The following PRKAG2 variants were observed in gnomAD, a reference collection of about 807,000 sequenced individuals.
PRKAG2 encodes protein kinase AMP-activated non-catalytic subunit gamma 2, also known as 5'-AMP-activated protein kinase subunit gamma-2.
A neutral mutation model predicts 69.6 loss-of-function variants in PRKAG2; 26 were observed. The observed-to-expected ratio is 0.37, with a 90% CI of 0.27 to 0.52. PRKAG2 has a LOEUF of 0.52. Among genes scored for constraint, PRKAG2 ranks in the 20% least tolerant of loss-of-function variants. The pLI, the probability that PRKAG2 is intolerant of heterozygous loss-of-function variation, is 0.90. For synonymous variants in PRKAG2, 293 were observed against 285.0 expected (o/e 1.03, Z -0.28); for missense variants, 557 against 740.0 (o/e 0.75, Z 2.87).
intron 3 of PRKAG2, among the ~76,000 whole-genome samples, chr7:151,745,979 G>A (rs540770295): frequency 2.0e-5 from 3 of 152,348 alleles, no homozygotes; most frequent in African/African-American, 4.8e-5. Context: ...GAAGCTGAGC[G>A]CTGGGCTCAA....
In PRKAG2 at chr7:151,874,006, GTATAAGTAT is replaced by G. The variant is rs1266510339; in HGVS notation, c.114+2492_114+2500del. Among the ~76,000 whole-genome samples the G allele has an allele frequency of 4.3e-4, 63 of 146,336 alleles. 2 individuals carry two copies. The highest frequency in any genetic ancestry group is 1.4e-3 in the African/African-American group (55 of 39,010). ...ATATGTATATGTATATGATGTATAT[GTATAAGTAT>G]ATGTATATGATGTATATGTATATGA... On this transcript the variant is annotated intron_variant, in intron 1 of 15. Coordinates refer to ENST00000287878, the MANE Select transcript of PRKAG2 (RefSeq NM_016203.4).
Position 151,836,524 on chromosome 7 carries a change from C to CGCT in PRKAG2, c.114+39980_114+39982dup, listed in dbSNP as rs1188694420. On this transcript the variant is annotated intron_variant, in intron 1 of 15. Transcript: ENST00000287878. The surrounding 1 kb of genome is among the most constrained non-coding windows in gnomAD (Gnocchi z 4.1). ...AACAACAAAGGCAAGGTGGACCCAT[C>CGCT]GCTGGCTCCTCTGCCTCCAGGGGAT... Among the ~76,000 whole-genome samples, 2 of 152,254 alleles carry CGCT rather than the reference C, an allele frequency of 1.3e-5. No homozygotes were observed. The highest frequency in any genetic ancestry group is 2.9e-5 in the Non-Finnish European group (2 of 68,044).
rs752715608 is a variant in PRKAG2, at chr7:151,560,464, C to T, written c.1678+60G>A. On this transcript the variant is annotated intron_variant, in intron 15 of 15. Transcript: ENST00000287878. ...AATGATGGTTTAAATGCTGCACTTC[C>T]TGTTCTACCTCCCACCCTTCCTAGA... is the stretch of plus-strand genomic sequence containing the variant. 6.8e-6 allele frequency: 11 copies of T among 1,613,432 alleles called. No individual in the cohort carries two copies. The South Asian group carries it at 1.2e-4, about 18-fold the overall frequency.
Position 151,675,497 on chromosome 7 carries a change from T to C in PRKAG2, c.607A>G (p.Arg203Gly). 1 of 1,614,168 alleles carries C rather than the reference T, an allele frequency of 6.2e-7. No homozygotes were observed. Among genetic ancestry groups the C allele is most frequent in the South Asian group, 1.1e-5 (1 of 91,076 alleles). ...CTCTGGAAGGAAGACGGGCAGAACC[T>C]CTGCCCTGTGTCCGGGGGGGAAGAC... Reference protein sequence around the residue: ...ASSSPPDTGQRFCPSSFQSPT... With the variant: ...ASSSPPDTGQGFCPSSFQSPT... Residue 203 changes from arginine (R) to glycine (G), a missense_variant, in exon 4 of 16, where the codon AGG becomes GGG. Coordinates refer to ENST00000287878, the MANE Select transcript of PRKAG2 (RefSeq NM_016203.4).
At chr7:151,855,392 CCATCCACACACCACCCTCCACATACACCA>C (rs2079727688) in intron 1 of PRKAG2, among the ~76,000 whole-genome samples, 1 of 35,942 alleles carries the variant, frequency 2.8e-5, no homozygotes, top group African/African-American at 9.9e-5. Flanking sequence ...TCCACACACA[CCATCCACACACCACCCTCCACATACACCA>C]TGCTCCACAC....
intron 1 of PRKAG2, among the ~76,000 whole-genome samples, chr7:151,820,834 C>T (rs1415993697): frequency 2.6e-5 from 4 of 152,184 alleles, no homozygotes; most frequent in South Asian, 2.1e-4. Flanking sequence ...AACAATAAGC[C>T]GGGCTTCTCT....
chr7:151,752,634 T>C (rs73728284), intron 3 of PRKAG2, among the ~76,000 whole-genome samples: 7,835 of 152,190 alleles, frequency 0.051, 614 homozygotes, highest in African/African-American at 0.17. Flanking sequence ...AATCCATGAG[T>C]CCATAGATAC....
At chr7:151,846,294 C>T (rs2079430757) in intron 1 of PRKAG2, among the ~76,000 whole-genome samples, 2 of 151,974 alleles carry the variant, frequency 1.3e-5, no homozygotes, top group Non-Finnish European at 2.9e-5. Flanking sequence ...ATAGCGAAAC[C>T]CCGTCTCTAC....
intron 4 of PRKAG2, among the ~76,000 whole-genome samples, chr7:151,658,766 A>G (rs1410241809): frequency 6.6e-6 from 1 of 152,232 alleles, no homozygotes; most frequent in Non-Finnish European, 1.5e-5. Context: ...AGCAGAACAC[A>G]TTATAAGCGT....
At chr7:151,582,551 A>C (rs1199763415) in intron 6 of PRKAG2, among the ~76,000 whole-genome samples, 1 of 152,222 alleles carries the variant, frequency 6.6e-6, no homozygotes, top group Non-Finnish European at 1.5e-5. Flanking sequence ...TCTCTTCTGC[A>C]ACAGAAGATA....
chr7:151,773,023 A>AAGAAAGAAAGAGAGAAAG (rs1563639223), intron 3 of PRKAG2, among the ~76,000 whole-genome samples: 1 of 55,056 alleles, frequency 1.8e-5, no homozygotes, highest in Non-Finnish European at 3.5e-5. Flanking sequence ...GAAAGAAAGA[A>AAGAAAGAAAGAGAGAAAG]AGAGAGAGAG....
chr7:151,727,373 A>C (rs1798158181), intron 3 of PRKAG2, among the ~76,000 whole-genome samples: 1 of 152,166 alleles, frequency 6.6e-6, no homozygotes, highest in South Asian at 2.1e-4. Context: ...AGAGGCATCC[A>C]GCCATCGAGG....
intron 3 of PRKAG2, among the ~76,000 whole-genome samples, chr7:151,760,008 C>A (rs2075322444): frequency 6.6e-6 from 1 of 152,172 alleles, no homozygotes; most frequent in African/African-American, 2.4e-5. Flanking sequence ...TGGGGTAGCA[C>A]CAAGTCATTC....
At chr7:151,816,088 G>A (rs62478250) in intron 1 of PRKAG2, among the ~76,000 whole-genome samples, 44,276 of 152,000 alleles carry the variant, frequency 0.29, 6,969 homozygotes, top group Non-Finnish European at 0.34. Flanking sequence ...CATCTACTAA[G>A]GCCCACGGAC....
chr7:151,839,565 A>G (rs1308323052), intron 1 of PRKAG2, among the ~76,000 whole-genome samples: 1 of 152,194 alleles, frequency 6.6e-6, no homozygotes, highest in Non-Finnish European at 1.5e-5. Flanking sequence ...TTGTATTTAA[A>G]TCCGGTCTGA....
chr7:151,844,836 A>AATC (rs1252323814), intron 1 of PRKAG2, among the ~76,000 whole-genome samples: 1 of 152,208 alleles, frequency 6.6e-6, no homozygotes, highest in Non-Finnish European at 1.5e-5. Context: ...TGGATGAATA[A>AATC]ATCGGTATCA....
chr7:151,807,281 G>T lies in PRKAG2; in HGVS notation c.115-20740C>A, dbSNP rs1196288817. The T allele has an allele frequency of 2.5e-6, 1 of 395,752 alleles. No individual in the cohort carries two copies. The highest frequency in any genetic ancestry group is 5.1e-6 in the Non-Finnish European group (1 of 194,584). 24.5% of individuals were successfully genotyped at this position (395,752 alleles called of 1,614,324 possible). On this transcript the variant is annotated intron_variant, in intron 1 of 15. Coordinates refer to ENST00000287878, the MANE Select transcript of PRKAG2 (RefSeq NM_016203.4). The surrounding 1 kb of genome is among the most constrained non-coding windows in gnomAD (Gnocchi z 4.4). ...GCCAGTCAGCCACCAGCAGACCCAT[G>T]GGATAGGGGAAGAAAAACAAGCAAT...
intron 1 of PRKAG2, among the ~76,000 whole-genome samples, chr7:151,840,959 C>A (rs1031503536): frequency 6.6e-6 from 1 of 152,158 alleles, no homozygotes; most frequent in Non-Finnish European, 1.5e-5. Context: ...CAGAGTGAGA[C>A]CCCATCTGAT....
chr7:151,827,744 G>GAAAAAA (rs2078932406), intron 1 of PRKAG2, among the ~76,000 whole-genome samples: 1 of 32,138 alleles, frequency 3.1e-5, no homozygotes, highest in Non-Finnish European at 7.2e-5. Context: ...GTGGCCTTAG[G>GAAAAAA]TAAAAAAAAA....
Sources: allele counts gnomAD v4.1 joint callset (sites outside exome capture counted in the v4.1 genomes callset), GRCh38; gene constraint gnomAD v4.1.1; non-coding constraint Gnocchi (gnomAD v3.1); transcripts MANE v1.5; gene names NCBI Gene and HGNC (gene_info 2026-07-23, HGNC 2026-07-21).